Variants in TUBA3D observed in about 807,000 individuals in gnomAD.
TUBA3D encodes the protein tubulin alpha-3D chain.
TUBA3D carries 24 observed loss-of-function variants against 36.1 expected under a neutral mutation model. That is an observed-to-expected ratio of 0.66 (90% CI 0.48 to 0.93). The LOEUF is 0.93. Ranked by LOEUF, TUBA3D falls within the 40% of genes least tolerant of loss-of-function variation. TUBA3D has a pLI of 0.00. For missense variants in TUBA3D, 356 were observed against 614.5 expected, an observed-to-expected ratio of 0.58 and a Z score of 4.45; for synonymous variants, 185 against 247.2, an observed-to-expected ratio of 0.75 and a Z score of 2.36.
At chr2:131,481,484 G>A (rs1678865147) in intron 4 of TUBA3D, among the ~76,000 whole-genome samples, 1 of 149,772 alleles carries the variant, frequency 6.7e-6, no homozygotes, top group Non-Finnish European at 1.5e-5. Flanking sequence ...CGCCCGGGTT[G>A]GAATGCAGTG....
chr2:131,478,515 T>C (rs1423125280), intron 2 of TUBA3D, 129 bp downstream of exon 2: 13 of 1,387,094 alleles, frequency 9.4e-6, no homozygotes, highest in Middle Eastern at 2.6e-4. Flanking sequence ...CATGGCATTG[T>C]TAGGAGAGAA....
chr2:131,478,130 A>G, intron 1 of TUBA3D, 34 bp from the exon 2 acceptor site: 1 of 1,596,436 alleles, frequency 6.3e-7, no homozygotes. Flanking sequence ...TTGCCTTGAA[A>G]TGAATGGGTT....
chr2:131,481,061 G>A (rs1490515676), intron 4 of TUBA3D, among the ~76,000 whole-genome samples: 4 of 151,804 alleles, frequency 2.6e-5, no homozygotes, highest in East Asian at 1.9e-4. Flanking sequence ...CCGCTACCAC[G>A]CCCGGCTAAT....
Position 131,479,163 on chromosome 2 carries a change from C to T in TUBA3D, c.227-145C>T, listed in dbSNP as rs1039605659. 5 of 1,346,490 alleles carry T rather than the reference C, an allele frequency of 3.7e-6. No homozygotes were observed. In the African/African-American group the frequency reaches 5.8e-5, roughly 16 times the overall value. The allele number at this position is 1,346,490 out of a possible 1,614,324, so 83.4% of individuals were successfully genotyped here. ...GGTTATCACACAGAGACATTTTCTA[C>T]CAGACACTGCCACTGTTGACCTATG... is the stretch of plus-strand genomic sequence containing the variant. On this transcript the variant is annotated intron_variant, in intron 2 of 4. Coordinates refer to ENST00000321253, the MANE Select transcript of TUBA3D (RefSeq NM_080386.4).
At chr2:131,479,270 G>T (rs1425681852) in intron 2 of TUBA3D, 38 bp from the exon 3 acceptor site, 1 of 1,607,494 alleles carries the variant, frequency 6.2e-7, no homozygotes, top group African/African-American at 1.3e-5. Flanking sequence ...GTGAGTACAG[G>T]CCTTAAAAAT....
Position 131,479,314 on chromosome 2 carries a change from T to C in TUBA3D, c.233T>C (p.Val78Ala). The C allele has an allele frequency of 6.2e-7, 1 of 1,613,848 alleles. No homozygotes were observed. The highest frequency in any genetic ancestry group is 2.2e-5 in the East Asian group (1 of 44,870). Residue 78 changes from valine to alanine, a missense_variant, in exon 3 of 5, where the codon GTG becomes GCG. Physicochemically the swap from Val to Ala is moderately conservative, Grantham distance 64 (BLOSUM62 0). Transcript: ENST00000321253. ...VDLEPTVVDEVRTGTYRQLFH... is the reference protein window; with the variant it reads ...VDLEPTVVDEARTGTYRQLFH... ...CACACTGTCTCTTTTGCAGATGAAG[T>C]GCGCACAGGGACCTACAGGCAGCTC...
At chr2:131,479,170 C>T (rs922248173) in intron 2 of TUBA3D, 138 bp from the exon 3 acceptor site, 2 of 1,377,328 alleles carry the variant, frequency 1.5e-6, no homozygotes, top group African/African-American at 1.4e-5. Context: ...CTACCAGACA[C>T]TGCCACTGTT....
At position 131,480,535 on chromosome 2, in the gene TUBA3D, C is replaced by T; in HGVS notation, c.842C>T (p.Ala281Val). 1 of 1,607,146 alleles carries T rather than the reference C, an allele frequency of 6.2e-7. No individual in the cohort carries two copies. The highest frequency in any genetic ancestry group is 8.5e-7 in the Non-Finnish European group (1 of 1,178,942). ...TYAPVISAEK[A>V]YHEQLSVAEI... ...GCCCCAGTCATCTCAGCTGAGAAGGCCTACCACGAGCAGCTGTCTGTGGCC... is the reference window on the plus strand; with the variant it reads ...GCCCCAGTCATCTCAGCTGAGAAGGTCTACCACGAGCAGCTGTCTGTGGCC... Residue 281 changes from alanine to valine, a missense_variant, in exon 4 of 5, where the codon GCC becomes GTC. Physicochemically the swap from Ala to Val is moderately conservative, Grantham distance 64. This residue lies in a region of TUBA3D where 91 missense variants were observed against 240.9 expected (regional missense o/e 0.38). Coordinates refer to ENST00000321253, the MANE Select transcript of TUBA3D (RefSeq NM_080386.4).
Position 131,476,213 on chromosome 2 carries a change from G to C in TUBA3D, c.3+11G>C, listed in dbSNP as rs1451061909. 5.0e-6 allele frequency: 8 copies of C among 1,613,808 alleles called. No homozygotes were observed. Among genetic ancestry groups the C allele is most frequent in the Non-Finnish European group, 6.8e-6 (8 of 1,180,016 alleles). The stretch of plus-strand genomic sequence containing the variant: ...GCGGAGTTCGCCATGGTAAGGCCCG[G>C]GTCACTCCCGCCCCGCAGATGCCCA... On this transcript the variant is annotated intron_variant, in intron 1 of 4. Transcript: ENST00000321253.
chr2:131,479,178 G>A (rs1190506743), intron 2 of TUBA3D, 130 bp from the exon 3 acceptor site: 10 of 1,408,416 alleles, frequency 7.1e-6, no homozygotes, highest in Non-Finnish European at 7.6e-6. Context: ...CACTGCCACT[G>A]TTGACCTATG....
At position 131,478,294 on chromosome 2, in the gene TUBA3D, G is replaced by A; in HGVS notation, c.134G>A (p.Gly45Glu). ...CCAAGTGATAAAACCATTGGTGGCG[G>A]GGACGACTCCTTCAACACGTTCTTC... is the stretch of plus-strand genomic sequence containing the variant. ...QMPSDKTIGGGDDSFNTFFSE... is the reference protein window; with the variant it reads ...QMPSDKTIGGEDDSFNTFFSE... The change falls in exon 2 of 5, where the codon GGG (glycine) becomes GAG (glutamate). Residue 45 changes from glycine to glutamate, a missense_variant. Gly to Glu is a moderately conservative substitution (Grantham distance 98, BLOSUM62 -2). Coordinates refer to ENST00000321253, the MANE Select transcript of TUBA3D (RefSeq NM_080386.4). The A allele has an allele frequency of 6.2e-7, 1 of 1,614,018 alleles. No individual in the cohort carries two copies. The highest frequency in any genetic ancestry group is 8.5e-7 in the Non-Finnish European group (1 of 1,179,890).
chr2:131,476,268 A>T (rs1678664222), intron 1 of TUBA3D, 66 bp downstream of exon 1: 2 of 1,612,146 alleles, frequency 1.2e-6, no homozygotes, highest in South Asian at 2.2e-5. Context: ...GGGTGGACAG[A>T]GGGACGTTGT....
chr2:131,480,021 T>A (rs2104724739), intron 3 of TUBA3D, 48 bp from the exon 4 acceptor site: 1 of 1,530,876 alleles, frequency 6.5e-7, no homozygotes, highest in African/African-American at 1.4e-5. Flanking sequence ...TGGAGGTTGG[T>A]GGTGTGGCTT....
Position 131,479,370 on chromosome 2 carries a change from G to A in TUBA3D, c.289G>A (p.Glu97Lys). 1 of 1,614,180 alleles carries A rather than the reference G, an allele frequency of 6.2e-7. No homozygotes were observed. Among genetic ancestry groups the A allele is most frequent in the Admixed American group, 1.7e-5 (1 of 60,024 alleles). Residue 97 changes from glutamate to lysine, a missense_variant, in exon 3 of 5, where the codon GAA becomes AAA. By Grantham distance (56) the Glu-to-Lys change is moderately conservative. Coordinates refer to ENST00000321253, the MANE Select transcript of TUBA3D (RefSeq NM_080386.4). The stretch of plus-strand genomic sequence containing the variant: ...CCCGGAGCAGCTGATCACCGGGAAG[G>A]AAGATGCAGCCAATAATTACGCCAG... ...FHPEQLITGK[E>K]DAANNYARGH... is the part of the protein sequence containing the mutation.
intron 2 of TUBA3D, 28 bp downstream of exon 2, chr2:131,478,414 T>C: frequency 1.3e-6 from 2 of 1,583,480 alleles, no homozygotes; most frequent in Non-Finnish European, 1.7e-6. Context: ...GGATGGCAGC[T>C]TTCCTGAGAG....
chr2:131,481,416 G>A (rs1678861365), intron 4 of TUBA3D, among the ~76,000 whole-genome samples: 1 of 148,526 alleles, frequency 6.7e-6, no homozygotes, highest in East Asian at 2.0e-4. Flanking sequence ...CCATAGACAT[G>A]CAACACCATG....
rs1678772173 is a variant in TUBA3D, at chr2:131,479,321, AG to A, written c.243del (p.Thr82ProfsTer11). The A allele has an allele frequency of 6.2e-7, 1 of 1,613,894 alleles. No individual in the cohort carries two copies. Among genetic ancestry groups the A allele is most frequent in the Non-Finnish European group, 8.5e-7 (1 of 1,179,916 alleles). On this transcript the variant is annotated frameshift_variant, in exon 3 of 5. Transcript: ENST00000321253. LOFTEE classifies it high-confidence loss of function. ...EPTVVDEVRTGTYRQLFHPEQ... is the reference protein window; with the variant it reads ...EPTVVDEVRTXTYRQLFHPEQ... ...TCTCTTTTGCAGATGAAGTGCGCAC[AG>A]GGACCTACAGGCAGCTCTTCCACCC...
Position 131,478,226 on chromosome 2 carries a change from A to G in TUBA3D, c.66A>G (p.Glu22=). 3 of 1,614,108 alleles carry G rather than the reference A, an allele frequency of 1.9e-6. No homozygotes were observed. Among genetic ancestry groups the G allele is most frequent in the Middle Eastern group, 3.3e-4 (2 of 6,060 alleles). Residue 22 remains glutamate (E), a synonymous_variant, in exon 2 of 5, where the codon GAA becomes GAG. Transcript: ENST00000321253. ...TCCAGATCGGCAATGCCTGCTGGGA[A>G]CTGTACTGCCTTGAACATGGAATTC... is the stretch of plus-strand genomic sequence containing the variant. ...AGVQIGNACW[E]LYCLEHGIQP...
chr2:131,482,224 T>C (rs1414401581), intron 4 of TUBA3D, among the ~76,000 whole-genome samples: 1 of 152,182 alleles, frequency 6.6e-6, no homozygotes, highest in Non-Finnish European at 1.5e-5. Flanking sequence ...CAGAATTTAA[T>C]TGTAATCTAC....
Sources: allele counts gnomAD v4.1 joint callset (sites outside exome capture counted in the v4.1 genomes callset), GRCh38; gene constraint gnomAD v4.1.1; regional missense constraint gnomAD v4.1.1; transcripts MANE v1.5; gene names NCBI Gene and HGNC (gene_info 2026-07-23, HGNC 2026-07-21).